MND1: variants seen among roughly 807,000 people sequenced by gnomAD.
MND1 encodes the protein meiotic nuclear divisions 1.
In MND1, 28 loss-of-function variants were observed where a neutral mutation model predicts 35.1. The ratio of observed to expected loss-of-function variants is 0.80; its 90% CI spans 0.59 to 1.09. The LOEUF (loss-of-function observed/expected upper bound fraction) is 1.09, where lower values mean the gene tolerates loss of function less well. Among genes scored for constraint, MND1 ranks in the 50% least tolerant of loss-of-function variants. MND1 has a pLI of 0.00. For synonymous variants in MND1, 69 were observed against 70.5 expected (o/e 0.98, Z 0.11); for missense variants, 213 against 239.6 (o/e 0.89, Z 0.73).
intron 2 of MND1, among the ~76,000 whole-genome samples, 191 bp from the exon 3 acceptor site, chr4:153,355,463 G>A (rs937318983): frequency 1.3e-5 from 2 of 152,042 alleles, no homozygotes; most frequent in Admixed American, 6.6e-5. Flanking sequence ...AATGATAAGT[G>A]TTTGAAGAGA....
chr4:153,383,198 A>C (rs1263337082), intron 4 of MND1, among the ~76,000 whole-genome samples: 1 of 152,204 alleles, frequency 6.6e-6, no homozygotes, highest in East Asian at 1.9e-4. Context: ...CTCACCTCGA[A>C]CTGTGTTAAA....
At chr4:153,381,034 G>C (rs567356341) in intron 4 of MND1, among the ~76,000 whole-genome samples, 2 of 151,918 alleles carry the variant, frequency 1.3e-5, no homozygotes, top group South Asian at 4.2e-4. Context: ...CAAGTAGCTG[G>C]GACTATAGGC....
At chr4:153,409,180 G>GT (rs925242990) in intron 7 of MND1, 165 bp downstream of exon 7, 27 of 244,318 alleles carry the variant, frequency 1.1e-4, no homozygotes, top group Middle Eastern at 8.3e-4. Flanking sequence ...GTTATTTAAG[G>GT]TTTTTTTTAT....
chr4:153,362,229 T>C (rs113074151), intron 4 of MND1, among the ~76,000 whole-genome samples: 1 of 152,234 alleles, frequency 6.6e-6, no homozygotes, highest in Non-Finnish European at 1.5e-5. Flanking sequence ...CATACTGATA[T>C]GGCTTGGATC....
intron 3 of MND1, among the ~76,000 whole-genome samples, chr4:153,357,431 C>T (rs1773374524): frequency 6.6e-6 from 1 of 152,172 alleles, no homozygotes; most frequent in Admixed American, 6.5e-5. Flanking sequence ...ATTTTTGACT[C>T]CCCCAAAACT....
At chr4:153,371,855 A>G (rs1043657695) in intron 4 of MND1, among the ~76,000 whole-genome samples, 58 of 152,212 alleles carry the variant, frequency 3.8e-4, no homozygotes, top group African/African-American at 1.4e-3. Flanking sequence ...TTTTGACTGT[A>G]TCTTCCTAAC....
At chr4:153,379,289 C>CA (rs35306831) in intron 4 of MND1, among the ~76,000 whole-genome samples, 305 of 74,254 alleles carry the variant, frequency 4.1e-3, no homozygotes, top group Middle Eastern at 0.018. Context: ...GACTCTGTCT[C>CA]AAAAAAAAAA....
intron 1 of MND1, among the ~76,000 whole-genome samples, chr4:153,346,328 C>G (rs938990559): frequency 4.7e-4 from 72 of 152,158 alleles, no homozygotes; most frequent in African/African-American, 1.7e-3. Context: ...TCCATAACTT[C>G]TAACTGAGAA....
At chr4:153,384,485 G>C (rs1157237418) in intron 4 of MND1, among the ~76,000 whole-genome samples, 1 of 126,388 alleles carries the variant, frequency 7.9e-6, no homozygotes, top group African/African-American at 3.1e-5. Context: ...CAGAGATAGG[G>C]TCTTGCTCTC....
chr4:153,401,201 G>A (rs749896552), intron 6 of MND1, among the ~76,000 whole-genome samples: 2 of 152,100 alleles, frequency 1.3e-5, no homozygotes, highest in South Asian at 2.1e-4. Flanking sequence ...CCAGGAGTTC[G>A]AGACCAGCCT....
At chr4:153,409,076 T>C in intron 7 of MND1, 61 bp downstream of exon 7, 1 of 989,752 alleles carries the variant, frequency 1.0e-6, no homozygotes. Flanking sequence ...TACTGCGACG[T>C]GAAATTCAGA....
intron 4 of MND1, among the ~76,000 whole-genome samples, chr4:153,380,227 A>G (rs1728636327): frequency 6.6e-6 from 1 of 152,196 alleles, no homozygotes; most frequent in Admixed American, 6.5e-5. Flanking sequence ...ATCTTATGTA[A>G]CAAATTTGGA....
chr4:153,395,370 G>C (rs887690423), intron 5 of MND1, among the ~76,000 whole-genome samples: 4 of 152,152 alleles, frequency 2.6e-5, no homozygotes, highest in Admixed American at 2.6e-4. Context: ...CCAGTCTACT[G>C]TTAATCCACT....
chr4:153,386,715 C>T (rs866822073), intron 4 of MND1, among the ~76,000 whole-genome samples: 52 of 143,574 alleles, frequency 3.6e-4, no homozygotes, highest in Admixed American at 8.1e-4. Context: ...GACTCCATCT[C>T]AACAACAACA....
intron 4 of MND1, among the ~76,000 whole-genome samples, chr4:153,392,777 T>A (rs748893226): frequency 2.0e-5 from 3 of 152,206 alleles, no homozygotes; most frequent in Non-Finnish European, 4.4e-5. Context: ...CACATATAAC[T>A]TACCTACTTT....
intron 3 of MND1, among the ~76,000 whole-genome samples, chr4:153,357,309 C>A (rs1165617484): frequency 6.6e-6 from 1 of 152,122 alleles, no homozygotes; most frequent in African/African-American, 2.4e-5. Flanking sequence ...TCTGCTACTT[C>A]TTAAAGATAT....
At chr4:153,355,096 C>A (rs1363886217) in intron 2 of MND1, among the ~76,000 whole-genome samples, 2 of 151,938 alleles carry the variant, frequency 1.3e-5, no homozygotes, top group African/African-American at 4.8e-5. Context: ...CCCTGGAGGT[C>A]AAGGCTGCAG....
In MND1 at chr4:153,414,794, G is replaced by A. The variant is rs1279089627; in HGVS notation, c.555G>A (p.Gly185=). 3.8e-6 allele frequency: 6 copies of A among 1,558,488 alleles called. No homozygotes were observed. The highest frequency in any genetic ancestry group is 4.4e-6 in the Non-Finnish European group (5 of 1,147,270). ...AATCTTGGGCCAAAAGAAAATTTGGGTTTGAAGAAAATAAAATTGATAGAA... is the reference window on the plus strand; with the variant it reads ...AATCTTGGGCCAAAAGAAAATTTGGATTTGAAGAAAATAAAATTGATAGAA... ...AIKSWAKRKF[G]FEENKIDRTF... is the part of the protein sequence containing the mutation. Residue 185 remains glycine, a synonymous_variant, in exon 8 of 8, where the codon GGG becomes GGA. Coordinates refer to ENST00000240488, the MANE Select transcript of MND1 (RefSeq NM_032117.4).
intron 3 of MND1, among the ~76,000 whole-genome samples, chr4:153,356,896 C>T (rs1773359769): frequency 6.6e-6 from 1 of 152,126 alleles, no homozygotes; most frequent in Non-Finnish European, 1.5e-5. Flanking sequence ...AGTCCTGGCA[C>T]ACTGCAACCT....
Sources: allele counts gnomAD v4.1 joint callset (sites outside exome capture counted in the v4.1 genomes callset), GRCh38; gene constraint gnomAD v4.1.1; transcripts MANE v1.5; gene names NCBI Gene and HGNC (gene_info 2026-07-23, HGNC 2026-07-21).